SDK1: variants seen among roughly 807,000 people sequenced by gnomAD.
SDK1 encodes protein sidekick-1.
In SDK1, 157 loss-of-function variants were observed where a neutral mutation model predicts 245.5. That is an observed-to-expected ratio of 0.64 (90% CI 0.56 to 0.73). SDK1 has a LOEUF of 0.73. Among genes scored for constraint, SDK1 ranks in the 30% least tolerant of loss-of-function variants. The probability of loss-of-function intolerance (pLI) is 0.00; values close to 1 mark genes in which losing one functional copy is unlikely to be tolerated. For synonymous variants in SDK1, 1,647 were observed against 1,278.5 expected (o/e 1.29, Z -6.15); for missense variants, 3,583 against 3,002.3 (o/e 1.19, Z -4.52).
At chr7:3,747,713 G>T (rs1779665953) in intron 4 of SDK1, among the ~76,000 whole-genome samples, 2 of 152,116 alleles carry the variant, frequency 1.3e-5, no homozygotes, top group South Asian at 4.1e-4. Flanking sequence ...GTGTGTGTGT[G>T]TGTGTATGGT....
intron 4 of SDK1, among the ~76,000 whole-genome samples, chr7:3,816,009 G>A (rs1443329026): frequency 1.3e-3 from 185 of 142,734 alleles, no homozygotes; most frequent in African/African-American, 4.8e-3. Flanking sequence ...GGTACATAAC[G>A]AAATGAAGGC....
At chr7:3,481,044 C>G (rs1419330705) in intron 1 of SDK1, among the ~76,000 whole-genome samples, 2 of 152,124 alleles carry the variant, frequency 1.3e-5, no homozygotes, top group Non-Finnish European at 2.9e-5. Flanking sequence ...TGTTTTAAAT[C>G]AGAGAATTTC....
chr7:4,015,521 G>A (rs377278143), intron 16 of SDK1, among the ~76,000 whole-genome samples: 7 of 152,174 alleles, frequency 4.6e-5, no homozygotes, highest in African/African-American at 1.7e-4. Flanking sequence ...CTGTCACACA[G>A]GTGAATCCAT....
intron 5 of SDK1, among the ~76,000 whole-genome samples, chr7:3,917,869 C>A (rs2128111526): frequency 6.6e-6 from 1 of 152,278 alleles, no homozygotes; most frequent in East Asian, 1.9e-4. Flanking sequence ...CACACCTCCT[C>A]CTGCACTCAA....
intron 4 of SDK1, among the ~76,000 whole-genome samples, chr7:3,799,979 C>T (rs1779066193): frequency 6.6e-6 from 1 of 152,030 alleles, no homozygotes; most frequent in Non-Finnish European, 1.5e-5. Flanking sequence ...ATTCCTTTCC[C>T]AGAACTTTGT....
rs559189435 is a variant in SDK1, at chr7:3,932,786, A to G, written c.848-18137A>G. 7.2e-5 allele frequency among the ~76,000 whole-genome samples: 11 copies of G among 152,322 alleles called. No homozygotes were observed. In the East Asian group the frequency reaches 2.1e-3, roughly 29 times the overall value. On this transcript the variant is annotated intron_variant, in intron 5 of 44. Transcript: ENST00000404826. ...TGCTCCTGGTCCAAAACAATGACCC[A>G]CCCATTCCCAGAGATAGACAGGAGA...
At chr7:3,496,604 A>G (rs1782033732) in intron 1 of SDK1, among the ~76,000 whole-genome samples, 1 of 152,206 alleles carries the variant, frequency 6.6e-6, no homozygotes, top group Admixed American at 6.5e-5. Context: ...GTGAAAATTT[A>G]AAACAGGATT....
At chr7:3,303,045 T>C (rs1331086492) in intron 1 of SDK1, among the ~76,000 whole-genome samples, 1 of 151,382 alleles carries the variant, frequency 6.6e-6, no homozygotes, top group Non-Finnish European at 1.5e-5. Flanking sequence ...TGTAACGTTA[T>C]CTAAATTGTG....
rs1201168702 is a variant in SDK1, at chr7:4,004,476, A to C, written c.2132-6490A>C. Reference sequence around the variant, plus strand: ...TATAAAAATGCAAAGTAAAGCATCAACCAAATTACATTTTTCACCCACCAA... The same window carrying C: ...TATAAAAATGCAAAGTAAAGCATCACCCAAATTACATTTTTCACCCACCAA... On this transcript the variant is annotated intron_variant, in intron 14 of 44. Transcript: ENST00000404826. 9.8e-5 allele frequency among the ~76,000 whole-genome samples: 15 copies of C among 152,342 alleles called. 1 individual carries two copies. The East Asian group carries it at 2.9e-3, about 29-fold the overall frequency.
intron 22 of SDK1, among the ~76,000 whole-genome samples, chr7:4,098,076 C>T (rs1190256819): frequency 1.3e-5 from 2 of 152,078 alleles, no homozygotes; most frequent in Non-Finnish European, 2.9e-5. Flanking sequence ...ATAATAACAC[C>T]CTCACAGTGG....
chr7:4,158,969 G>A (rs569740998), intron 31 of SDK1, among the ~76,000 whole-genome samples: 4 of 152,332 alleles, frequency 2.6e-5, no homozygotes, highest in Admixed American at 1.3e-4. Flanking sequence ...GTTTTCAGCC[G>A]CTCCGTCCTA....
At chr7:3,504,174 A>ATGTGTGTGTGTG (rs1392132133) in intron 1 of SDK1, among the ~76,000 whole-genome samples, 1 of 61,992 alleles carries the variant, frequency 1.6e-5, no homozygotes, top group African/African-American at 5.6e-5. Context: ...AAAATTATAT[A>ATGTGTGTGTGTG]TATATATATG....
At chr7:3,571,454 C>A (rs1439438192) in intron 1 of SDK1, among the ~76,000 whole-genome samples, 1 of 151,928 alleles carries the variant, frequency 6.6e-6, no homozygotes, top group Non-Finnish European at 1.5e-5. Flanking sequence ...AGGCCCGTAC[C>A]ACCATGCCCA....
At chr7:4,051,596 C>CCGTAT in intron 18 of SDK1, 42 bp from the exon 19 acceptor site, 1 of 1,543,704 alleles carries the variant, frequency 6.5e-7, no homozygotes, top group Non-Finnish European at 8.8e-7. Flanking sequence ...TGGAGAAATG[C>CCGTAT]CATTGAAAAC....
At chr7:3,465,093 C>A (rs1338189999) in intron 1 of SDK1, among the ~76,000 whole-genome samples, 1 of 152,098 alleles carries the variant, frequency 6.6e-6, no homozygotes, top group African/African-American at 2.4e-5. Flanking sequence ...GGGGCTAATC[C>A]GTAAGTGAGA....
intron 4 of SDK1, among the ~76,000 whole-genome samples, chr7:3,683,541 A>T (rs894361389): frequency 2.0e-5 from 3 of 152,342 alleles, no homozygotes; most frequent in Admixed American, 6.5e-5. Flanking sequence ...GGTGCATAGT[A>T]GGTGTTCAGA....
intron 1 of SDK1, among the ~76,000 whole-genome samples, chr7:3,435,321 C>CTGTTTTTTTTTTT (rs1779988411): frequency 1.8e-5 from 1 of 56,878 alleles, no homozygotes; most frequent in Non-Finnish European, 2.9e-5. Flanking sequence ...AGGGGACTGC[C>CTGTTTTTTTTTTT]TTTTTTTTTT....
intron 5 of SDK1, among the ~76,000 whole-genome samples, chr7:3,822,901 G>A (rs1293062698): frequency 6.6e-6 from 1 of 152,188 alleles, no homozygotes; most frequent in African/African-American, 2.4e-5. Context: ...AACTCTGGGT[G>A]CAGGCGTCTG....
At chr7:4,040,338 CTG>C (rs1788530484) in intron 17 of SDK1, among the ~76,000 whole-genome samples, 1 of 152,140 alleles carries the variant, frequency 6.6e-6, no homozygotes, top group Non-Finnish European at 1.5e-5. Context: ...TGCTCAGAGT[CTG>C]TAGTCTTCAA....
Sources: gnomAD v4.1 joint callset for allele counts (sites outside exome capture counted in the v4.1 genomes callset) on GRCh38, gnomAD v4.1.1 for gene constraint, MANE v1.5 for transcripts, NCBI Gene and HGNC (gene_info 2026-07-23, HGNC 2026-07-21) for gene names.